The following HYDIN variants were observed in gnomAD, a reference collection of about 807,000 sequenced individuals.
The protein encoded by HYDIN is HYDIN axonemal central pair apparatus protein, also known as axonemal central pair apparatus protein HYDIN.
A neutral mutation model predicts 403.9 loss-of-function variants in HYDIN; 132 were observed. The observed-to-expected ratio is 0.33, with a 90% confidence interval of 0.28 to 0.38. The LOEUF is 0.38. Among genes scored for constraint, HYDIN ranks in the 10% least tolerant of loss-of-function variants. The pLI is 1.00. For missense variants in HYDIN, 2,827 were observed against 5,009.5 expected (o/e 0.56, Z 13.15); for synonymous variants, 1,202 against 1,891.7 (o/e 0.64, Z 9.46).
At chr16:71,086,297 A>G (rs1382093128) in intron 12 of HYDIN, among the ~76,000 whole-genome samples, 2 of 152,156 alleles carry the variant, frequency 1.3e-5, no homozygotes, top group South Asian at 2.1e-4. Flanking sequence ...TGCACCTAAT[A>G]TACAACCTTG....
At chr16:71,063,882 G>C (rs1234184436) in intron 16 of HYDIN, among the ~76,000 whole-genome samples, 1 of 150,902 alleles carries the variant, frequency 6.6e-6, no homozygotes, top group African/African-American at 2.4e-5. Context: ...AACATCTGAA[G>C]ACAAAATTCT....
intron 7 of HYDIN, 61 bp from the exon 8 acceptor site, chr16:71,137,413 T>C: frequency 3.5e-6 from 2 of 571,286 alleles, no homozygotes. Context: ...ACACCTAGGC[T>C]ATCTTTTTTT....
chr16:71,165,587 C>T (rs1284964615), intron 5 of HYDIN, among the ~76,000 whole-genome samples: 1 of 151,550 alleles, frequency 6.6e-6, no homozygotes, highest in Non-Finnish European at 1.5e-5. Context: ...ATACCCAGTA[C>T]CTAGAACAGA....
At chr16:71,092,144 C>T (rs563501463) in intron 11 of HYDIN, among the ~76,000 whole-genome samples, 4 of 151,828 alleles carry the variant, frequency 2.6e-5, no homozygotes, top group South Asian at 4.2e-4. Context: ...TGCCAAGTTA[C>T]TTAACTACCC....
chr16:71,169,398 A>G (rs1392396242), intron 5 of HYDIN, among the ~76,000 whole-genome samples: 4 of 152,120 alleles, frequency 2.6e-5, no homozygotes, highest in Admixed American at 2.6e-4. Flanking sequence ...GCCCCACAGC[A>G]CTCCAGCCTG....
At chr16:71,153,285 A>G (rs1235223153) in intron 6 of HYDIN, among the ~76,000 whole-genome samples, 1 of 152,206 alleles carries the variant, frequency 6.6e-6, no homozygotes, top group East Asian at 1.9e-4. Flanking sequence ...TCTGAGCCCC[A>G]AAAGGAAAGG....
chr16:71,056,651 C>T (rs1308199388), intron 18 of HYDIN, among the ~76,000 whole-genome samples: 1 of 152,244 alleles, frequency 6.6e-6, no homozygotes, highest in Non-Finnish European at 1.5e-5. Flanking sequence ...GAAGGGCTGA[C>T]ATTCACCCTA....
chr16:71,179,015 G>C lies in HYDIN; in HGVS notation c.294C>G (p.Phe98Leu). Residue 98 changes from phenylalanine (F) to leucine (L), a missense_variant, in exon 4 of 86, where the codon TTC becomes TTG. Transcript: ENST00000393567. ...FSGIDLDQAL[F>L]QPFPSEIIFQ... is the part of the protein sequence containing the mutation. ...ATATAATTTCTGATGGAAAGGGCTGGAATAATGCCTGATCCAGGTCAATTC... is the reference window on the plus strand; with the variant it reads ...ATATAATTTCTGATGGAAAGGGCTGCAATAATGCCTGATCCAGGTCAATTC... 1.2e-6 allele frequency: 2 copies of C among 1,612,008 alleles called. No individual in the cohort carries two copies. The highest frequency in any genetic ancestry group is 1.7e-6 in the Non-Finnish European group (2 of 1,178,422).
chr16:71,025,148 G>C (rs538961194), intron 21 of HYDIN, among the ~76,000 whole-genome samples: 94 of 152,212 alleles, frequency 6.2e-4, no homozygotes, highest in Admixed American at 1.8e-3. Context: ...CACTTCCTTA[G>C]GTCTTAGACA....
intron 85 of HYDIN, 108 bp from the exon 86 acceptor site, chr16:70,808,170 G>T: frequency 8.0e-7 from 1 of 1,251,196 alleles, no homozygotes; most frequent in Non-Finnish European, 1.1e-6. Context: ...AACTATGTCT[G>T]TGTGAGACTG....
chr16:71,185,756 A>G (rs2087118657), intron 2 of HYDIN, among the ~76,000 whole-genome samples: 2 of 152,192 alleles, frequency 1.3e-5, no homozygotes, highest in Admixed American at 1.3e-4. Context: ...TGTTCCTACT[A>G]TATGTGCAGG....
At chr16:71,157,231 A>G (rs1217366011) in intron 6 of HYDIN, among the ~76,000 whole-genome samples, 1 of 151,016 alleles carries the variant, frequency 6.6e-6, no homozygotes, top group Non-Finnish European at 1.5e-5. Context: ...CATTTTATAA[A>G]CTTAACCACT....
In HYDIN at chr16:70,951,188, C is replaced by G. The variant is rs1260422397; in HGVS notation, c.6531+1233G>C. Among the ~76,000 whole-genome samples the G allele has an allele frequency of 7.3e-5, 11 of 151,514 alleles. No individual in the cohort carries two copies. In the East Asian group the frequency reaches 2.1e-3, roughly 30 times the overall value. ...AGCTCAAGGCCGCAGTGAACAAAGA[C>G]TGTGCCACTGCACTCCAGCCTGGGT... On this transcript the variant is annotated intron_variant, in intron 41 of 85. Transcript: ENST00000393567.
intron 58 of HYDIN, among the ~76,000 whole-genome samples, chr16:70,885,999 C>T (rs1325761579): frequency 6.9e-6 from 1 of 145,242 alleles, no homozygotes; most frequent in African/African-American, 2.8e-5. Flanking sequence ...GAGGGAAAGG[C>T]CAACAGAATC....
Position 70,892,527 on chromosome 16 carries a change from A to C in HYDIN, c.9251T>G (p.Phe3084Cys). The C allele has an allele frequency of 6.2e-7, 1 of 1,603,376 alleles. No individual in the cohort carries two copies. Among genetic ancestry groups the C allele is most frequent in the Non-Finnish European group, 8.5e-7 (1 of 1,175,798 alleles). Residue 3084 changes from phenylalanine (F) to cysteine (C), a missense_variant and splice_region_variant, in exon 56 of 86, where the codon TTT becomes TGT. Coordinates refer to ENST00000393567, the MANE Select transcript of HYDIN (RefSeq NM_001270974.2). ...NRGKYEIAFS[F>C]SVDSVGISTP... ...TGAAATCCCTACAGAGTCCACGGAA[A>C]AGCTGAAAGACAAGAATAAGAAGTC...
At chr16:70,868,834 G>A (rs1332703398) in intron 65 of HYDIN, 46 bp from the exon 66 acceptor site, 2 of 1,554,768 alleles carry the variant, frequency 1.3e-6, no homozygotes, top group Admixed American at 1.9e-5. Flanking sequence ...CCGATCTTGA[G>A]GACTCTTGAT....
Position 71,180,351 on chromosome 16 carries a change from T to C in HYDIN, c.262-1304A>G, listed in dbSNP as rs151180718. Among the ~76,000 whole-genome samples, 303 of 152,182 alleles carry C rather than the reference T, an allele frequency of 2.0e-3. 5 individuals carry two copies. The highest frequency in any genetic ancestry group is 6.9e-3 in the African/African-American group (286 of 41,570). ...GAACATCTGAATAGTTCTAAAACTG[T>C]TACAGAAATTATATCTGTAAACAAA... is the stretch of plus-strand genomic sequence containing the variant. On this transcript the variant is annotated intron_variant, in intron 3 of 85. Coordinates refer to ENST00000393567, the MANE Select transcript of HYDIN (RefSeq NM_001270974.2).
At chr16:71,180,378 C>T (rs2086848236) in intron 3 of HYDIN, among the ~76,000 whole-genome samples, 1 of 151,810 alleles carries the variant, frequency 6.6e-6, no homozygotes, top group Non-Finnish European at 1.5e-5. Context: ...GTAAACAAAC[C>T]CTTTTACAGA....
In HYDIN at chr16:70,920,826, T is replaced by C; in HGVS notation, c.7550A>G (p.Glu2517Gly). 1 of 1,572,644 alleles carries C rather than the reference T, an allele frequency of 6.4e-7. No individual in the cohort carries two copies. The highest frequency in any genetic ancestry group is 8.6e-7 in the Non-Finnish European group (1 of 1,158,052). Residue 2517 changes from glutamate to glycine, a missense_variant, in exon 46 of 86, where the codon GAG becomes GGG. By Grantham distance (98) the Glu-to-Gly change is moderately conservative. Coordinates refer to ENST00000393567, the MANE Select transcript of HYDIN (RefSeq NM_001270974.2). The part of the protein sequence containing the change: ...GRKDRERERL[E>G]KERTEKERLE... ...GCGCTCCTTCTCCGTGCGCTCCTTC[T>C]CCAGGCGCTCTCTCTCCCGGTCCTT...
Sources: gnomAD v4.1 joint callset for allele counts (sites outside exome capture counted in the v4.1 genomes callset) on GRCh38, gnomAD v4.1.1 for gene constraint, MANE v1.5 for transcripts, NCBI Gene and HGNC (gene_info 2026-07-23, HGNC 2026-07-21) for gene names.